Variants in FOXN3 observed in about 807,000 individuals in gnomAD.
The protein encoded by FOXN3 is forkhead box protein N3.
In FOXN3, 7 loss-of-function variants were observed where a neutral mutation model predicts 38.4. The observed-to-expected ratio is 0.18, with a 90% confidence interval of 0.10 to 0.34. The LOEUF (loss-of-function observed/expected upper bound fraction) is 0.34, where lower values mean the gene tolerates loss of function less well. Among genes scored for constraint, FOXN3 ranks in the 10% least tolerant of loss-of-function variants. The probability of loss-of-function intolerance (pLI) is 1.00; values close to 1 mark genes in which losing one functional copy is unlikely to be tolerated. For synonymous variants in FOXN3, 230 were observed against 242.2 expected, an observed-to-expected ratio of 0.95 and a Z score of 0.47; for missense variants, 456 against 613.4, an observed-to-expected ratio of 0.74 and a Z score of 2.71.
chr14:89,598,129 A>G (rs1896094926), intron 1 of FOXN3, among the ~76,000 whole-genome samples: 1 of 152,158 alleles, frequency 6.6e-6, no homozygotes, highest in South Asian at 2.1e-4. Context: ...ATCAATGACA[A>G]CACAACTTCG....
chr14:89,445,726 C>T (rs1438516160), intron 1 of FOXN3, among the ~76,000 whole-genome samples: 3 of 152,084 alleles, frequency 2.0e-5, no homozygotes, highest in Non-Finnish European at 4.4e-5. Context: ...AGAGGTCTCT[C>T]CCACACTGTG....
intron 1 of FOXN3, among the ~76,000 whole-genome samples, chr14:89,428,380 G>A (rs1317482213): frequency 6.6e-6 from 1 of 152,164 alleles, no homozygotes; most frequent in Admixed American, 6.5e-5. Flanking sequence ...AGGTTGAGGT[G>A]CAGGCAAAAG....
At chr14:89,233,568 CTTT>C (rs1596120451) in intron 4 of FOXN3, among the ~76,000 whole-genome samples, 1 of 152,132 alleles carries the variant, frequency 6.6e-6, no homozygotes, top group South Asian at 2.1e-4. Flanking sequence ...CAACAGTTCC[CTTT>C]TTTTCTTTTT....
chr14:89,589,559 G>C (rs1161984437), intron 1 of FOXN3, among the ~76,000 whole-genome samples: 1 of 152,064 alleles, frequency 6.6e-6, no homozygotes, highest in Non-Finnish European at 1.5e-5. Context: ...AGAAGAAAAA[G>C]CACACCCAGC....
intron 1 of FOXN3, among the ~76,000 whole-genome samples, chr14:89,450,579 C>A (rs958136138): frequency 7.1e-6 from 1 of 140,828 alleles, no homozygotes; most frequent in Non-Finnish European, 1.5e-5. Context: ...ACATTCTCGA[C>A]TTCATCTTTC....
intron 3 of FOXN3, among the ~76,000 whole-genome samples, chr14:89,306,610 G>A (rs187946828): frequency 4.6e-5 from 7 of 152,032 alleles, no homozygotes; most frequent in Admixed American, 6.5e-5. Context: ...CTCGTGATCC[G>A]CCCGCCTCAG....
intron 5 of FOXN3, among the ~76,000 whole-genome samples, chr14:89,165,532 C>T (rs1023138041): frequency 6.6e-6 from 1 of 152,208 alleles, no homozygotes. Context: ...AGGAGTTCCT[C>T]CAGGGCTTGC....
intron 2 of FOXN3, among the ~76,000 whole-genome samples, chr14:89,370,983 C>T (rs562820847): frequency 1.5e-5 from 2 of 134,056 alleles, no homozygotes; most frequent in African/African-American, 4.9e-5. Flanking sequence ...CAAAACCGTG[C>T]GTCTATTTCA....
intron 1 of FOXN3, among the ~76,000 whole-genome samples, chr14:89,536,904 C>T (rs970079926): frequency 3.3e-5 from 5 of 152,144 alleles, no homozygotes; most frequent in African/African-American, 9.7e-5. Context: ...CCCCCATCAC[C>T]GGGAAATTAT....
chr14:89,343,195 C>T (rs1250457532), intron 3 of FOXN3, among the ~76,000 whole-genome samples: 1 of 152,126 alleles, frequency 6.6e-6, no homozygotes, highest in Non-Finnish European at 1.5e-5. Context: ...TTGCTGTGTG[C>T]AAATTCAGCA....
Position 89,488,088 on chromosome 14 carries a change from C to CT in FOXN3, c.-14-75599dup, listed in dbSNP as rs35977508. ...AGACAGGTAAGAGCTAGGGGCTCTTCTTTTTTTTTTTTTTTTAAGACAGAG... is the reference window on the plus strand; with the variant it reads ...AGACAGGTAAGAGCTAGGGGCTCTTCTTTTTTTTTTTTTTTTTAAGACAGAG... On this transcript the variant is annotated intron_variant, in intron 1 of 6. Transcript: ENST00000345097. Among the ~76,000 whole-genome samples the CT allele has an allele frequency of 2.3e-3, 314 of 137,588 alleles. 2 individuals are homozygous for CT. Among genetic ancestry groups the CT allele is most frequent in the Non-Finnish European group, 2.5e-3 (156 of 63,000 alleles). 90.3% of individuals were successfully genotyped at this position (137,588 alleles called of 152,430 possible).
rs928152969 is a variant in FOXN3, at chr14:89,547,132, C to T, written c.-15+71896G>A. On this transcript the variant is annotated intron_variant, in intron 1 of 6. Coordinates refer to the FOXN3 transcript ENST00000345097. ...AACAGAGGCTGGGCAAGGTGGCTCA[C>T]GCCTGTAATCAGATTGCTGATGGGA... Among the ~76,000 whole-genome samples, 18 of 152,192 alleles carry T rather than the reference C, an allele frequency of 1.2e-4. 1 individual carries two copies. The highest frequency in any genetic ancestry group is 9.2e-4 in the Admixed American group (14 of 15,280).
intron 3 of FOXN3, among the ~76,000 whole-genome samples, chr14:89,315,507 T>C (rs1887693914): frequency 6.6e-6 from 1 of 152,244 alleles, no homozygotes. Flanking sequence ...GGCATGTCTT[T>C]GATTCTCCCC....
At chr14:89,172,105 G>A (rs1327013669) in intron 5 of FOXN3, among the ~76,000 whole-genome samples, 1 of 152,088 alleles carries the variant, frequency 6.6e-6, no homozygotes, top group Non-Finnish European at 1.5e-5. Context: ...ATTTATAACA[G>A]CATGAAAAAG....
chr14:89,533,810 A>T (rs574019519), intron 1 of FOXN3, among the ~76,000 whole-genome samples: 2 of 152,066 alleles, frequency 1.3e-5, no homozygotes, highest in South Asian at 4.2e-4. Context: ...CCTAAAGAGC[A>T]ACGAGAAAAG....
At chr14:89,529,712 C>T (rs1458368553) in intron 1 of FOXN3, among the ~76,000 whole-genome samples, 1 of 151,976 alleles carries the variant, frequency 6.6e-6, no homozygotes, top group Non-Finnish European at 1.5e-5. Context: ...GTTGTTGTTT[C>T]CTTTCCACTG....
At chr14:89,506,186 C>T (rs1474620924) in intron 1 of FOXN3, among the ~76,000 whole-genome samples, 4 of 67,026 alleles carry the variant, frequency 6.0e-5, no homozygotes, top group Admixed American at 3.2e-4. Context: ...CTGCCCCGTC[C>T]GGGCGGTGAG....
intron 4 of FOXN3, among the ~76,000 whole-genome samples, chr14:89,258,196 G>A (rs1034330914): frequency 2.0e-5 from 3 of 152,140 alleles, no homozygotes; most frequent in Non-Finnish European, 4.4e-5. Context: ...GGCTGAGGAG[G>A]AGGCTGAGCC....
At chr14:89,393,475 G>C (rs1249577830) in intron 2 of FOXN3, among the ~76,000 whole-genome samples, 1 of 152,168 alleles carries the variant, frequency 6.6e-6, no homozygotes, top group Non-Finnish European at 1.5e-5. Context: ...GTGGGAATAA[G>C]CTGCCATTTC....
Sources: gnomAD v4.1 joint callset for allele counts (sites outside exome capture counted in the v4.1 genomes callset) on GRCh38, gnomAD v4.1.1 for gene constraint, MANE v1.5 for transcripts, NCBI Gene and HGNC (gene_info 2026-07-23, HGNC 2026-07-21) for gene names.